The following MTREX variants were observed in gnomAD, a reference collection of about 807,000 sequenced individuals.
MTREX encodes the protein exosome RNA helicase MTR4.
MTREX carries 76 observed loss-of-function variants against 135.4 expected under a neutral mutation model. The observed-to-expected ratio is 0.56, with a 90% CI of 0.47 to 0.68. The LOEUF (loss-of-function observed/expected upper bound fraction) is 0.68. Among genes scored for constraint, MTREX ranks in the 30% least tolerant of loss-of-function variants. MTREX has a pLI of 0.00. For synonymous variants in MTREX, 404 were observed against 401.6 expected, an observed-to-expected ratio of 1.01 and a Z score of -0.07; for missense variants, 920 against 1,262.1, an observed-to-expected ratio of 0.73 and a Z score of 4.11.
chr5:55,417,859 C>T (rs1750993331), intron 25 of MTREX, among the ~76,000 whole-genome samples: 1 of 152,066 alleles, frequency 6.6e-6, no homozygotes, highest in Admixed American at 6.6e-5. Flanking sequence ...AACACAATGA[C>T]ATAAAACAAT....
At chr5:55,412,051 T>A (rs1224980851) in intron 23 of MTREX, among the ~76,000 whole-genome samples, 1 of 152,192 alleles carries the variant, frequency 6.6e-6, no homozygotes, top group Non-Finnish European at 1.5e-5. Flanking sequence ...AGCTCTTAAA[T>A]CTTGGGGCAA....
chr5:55,316,093 T>C (rs1356837357), intron 1 of MTREX, among the ~76,000 whole-genome samples: 1 of 151,986 alleles, frequency 6.6e-6, no homozygotes, highest in African/African-American at 2.4e-5. Context: ...CAGGAAGAAA[T>C]TGATTCCCTA....
chr5:55,361,171 T>C (rs1375292047), intron 15 of MTREX, among the ~76,000 whole-genome samples: 3 of 152,230 alleles, frequency 2.0e-5, no homozygotes, highest in African/African-American at 2.4e-5. Context: ...TATTTTCTTA[T>C]AGGCAAAAAT....
At chr5:55,402,842 ATG>A (rs1456595786) in intron 21 of MTREX, among the ~76,000 whole-genome samples, 1 of 46,840 alleles carries the variant, frequency 2.1e-5, no homozygotes, top group Non-Finnish European at 4.5e-5. Context: ...GTGTGTGTGT[ATG>A]TGTATGTATG....
chr5:55,415,203 G>C (rs1417680693), intron 24 of MTREX, among the ~76,000 whole-genome samples: 1 of 151,800 alleles, frequency 6.6e-6, no homozygotes, highest in Non-Finnish European at 1.5e-5. Context: ...GAGAGTGGGA[G>C]GAAGGAGAGG....
chr5:55,376,782 T>G (rs188242972), intron 16 of MTREX, among the ~76,000 whole-genome samples: 1 of 152,124 alleles, frequency 6.6e-6, no homozygotes, highest in African/African-American at 2.4e-5. Flanking sequence ...AACTATAGAT[T>G]TTATAGGTCG....
At chr5:55,323,589 T>A (rs149122583) in intron 2 of MTREX, among the ~76,000 whole-genome samples, 1 of 152,014 alleles carries the variant, frequency 6.6e-6, no homozygotes, top group African/African-American at 2.4e-5. Flanking sequence ...CGTATGCTAA[T>A]TTTTGAGTTT....
chr5:55,337,174 G>A (rs1018233851), intron 5 of MTREX, among the ~76,000 whole-genome samples: 6 of 152,072 alleles, frequency 3.9e-5, no homozygotes, highest in Non-Finnish European at 8.8e-5. Context: ...GGGTTGGAAT[G>A]CAATGGCATA....
At chr5:55,388,896 A>G (rs1036195885) in intron 19 of MTREX, among the ~76,000 whole-genome samples, 1 of 152,190 alleles carries the variant, frequency 6.6e-6, no homozygotes, top group South Asian at 2.1e-4. Context: ...TGTCATTGTA[A>G]TGATATTTGT....
At chr5:55,354,591 A>C (rs1295171410) in intron 14 of MTREX, among the ~76,000 whole-genome samples, 1 of 152,236 alleles carries the variant, frequency 6.6e-6, no homozygotes, top group African/African-American at 2.4e-5. Flanking sequence ...AAAATGTTGG[A>C]TGCTCTACAA....
chr5:55,316,343 C>A (rs892025586), intron 1 of MTREX, among the ~76,000 whole-genome samples: 4 of 152,048 alleles, frequency 2.6e-5, no homozygotes, highest in Non-Finnish European at 5.9e-5. Flanking sequence ...CAAAAAACTT[C>A]AGGCCACTAT....
chr5:55,325,420 G>A (rs941233512), intron 3 of MTREX, among the ~76,000 whole-genome samples: 1 of 148,562 alleles, frequency 6.7e-6, no homozygotes, highest in African/African-American at 2.5e-5. Flanking sequence ...CAACCTCCAC[G>A]TCCCAGGCTC....
intron 15 of MTREX, among the ~76,000 whole-genome samples, chr5:55,362,504 G>A (rs1202729557): frequency 6.6e-6 from 1 of 152,066 alleles, no homozygotes; most frequent in East Asian, 1.9e-4. Context: ...GAGATTACAG[G>A]CATGTGCCGC....
chr5:55,393,914 G>C (rs1750606767), intron 19 of MTREX, among the ~76,000 whole-genome samples: 1 of 152,146 alleles, frequency 6.6e-6, no homozygotes, highest in Admixed American at 6.5e-5. Flanking sequence ...TTCTAGTTAG[G>C]GAACTCTTAG....
intron 25 of MTREX, among the ~76,000 whole-genome samples, chr5:55,418,030 C>T (rs1332427272): frequency 6.6e-6 from 1 of 150,976 alleles, no homozygotes; most frequent in Admixed American, 6.6e-5. Flanking sequence ...GTCAGGAAAT[C>T]GAGACCATCC....
intron 21 of MTREX, among the ~76,000 whole-genome samples, chr5:55,401,409 T>C (rs531926190): frequency 6.6e-6 from 1 of 152,370 alleles, no homozygotes; most frequent in South Asian, 2.1e-4. Flanking sequence ...ACAGGACATT[T>C]GTTTTTTTCT....
intron 12 of MTREX, 113 bp from the exon 13 acceptor site, chr5:55,350,806 A>G (rs1055047959): frequency 9.3e-6 from 8 of 856,770 alleles, no homozygotes; most frequent in Non-Finnish European, 1.4e-5. Flanking sequence ...GAAAGATTTT[A>G]TTAAGTTTCT....
chr5:55,338,324 C>G (rs1013943641), intron 5 of MTREX, among the ~76,000 whole-genome samples: 1 of 152,050 alleles, frequency 6.6e-6, no homozygotes, highest in African/African-American at 2.4e-5. Flanking sequence ...ATACATCATT[C>G]TACTGATATC....
intron 5 of MTREX, among the ~76,000 whole-genome samples, chr5:55,338,229 T>A (rs1749585104): frequency 6.6e-6 from 1 of 152,202 alleles, no homozygotes; most frequent in Non-Finnish European, 1.5e-5. Context: ...TACAGAGTAG[T>A]TTTATTTTGC....
Sources: gnomAD v4.1 joint callset for allele counts (sites outside exome capture counted in the v4.1 genomes callset) on GRCh38, gnomAD v4.1.1 for gene constraint, MANE v1.5 for transcripts, NCBI Gene and HGNC (gene_info 2026-07-23, HGNC 2026-07-21) for gene names.